Variants in TSPAN8 observed in about 807,000 individuals in gnomAD.
TSPAN8 encodes tetraspanin-8.
In TSPAN8, 21 loss-of-function variants were observed where a neutral mutation model predicts 32.8. The ratio of observed to expected loss-of-function variants is 0.64; its 90% CI spans 0.45 to 0.92. The LOEUF is 0.92. Among genes scored for constraint, TSPAN8 ranks in the 40% least tolerant of loss-of-function variants. The probability of loss-of-function intolerance (pLI) is 0.00; values close to 1 mark genes in which losing one functional copy is unlikely to be tolerated. For missense variants in TSPAN8, 269 were observed against 281.9 expected, an observed-to-expected ratio of 0.95 and a Z score of 0.33; for synonymous variants, 95 against 94.6, an observed-to-expected ratio of 1.00 and a Z score of -0.03.
intron 6 of TSPAN8, among the ~76,000 whole-genome samples, chr12:71,136,511 G>T (rs1364368031): frequency 6.6e-6 from 1 of 152,162 alleles, no homozygotes; most frequent in Admixed American, 6.5e-5. Flanking sequence ...GAAGGAAAAA[G>T]TAGTAAGAGC....
chr12:71,129,413 G>C lies in TSPAN8; in HGVS notation c.578C>G (p.Thr193Ser). The C allele has an allele frequency of 6.5e-7, 1 of 1,544,734 alleles. No homozygotes were observed. Among genetic ancestry groups the C allele is most frequent in the Non-Finnish European group, 8.7e-7 (1 of 1,150,702 alleles). ...GAAGTCTTTTATGAAAGAAATACAG[G>C]TCTGTTAAAAAAAAAAAACATTAAA... ...SYNGKQVYKE[T>S]CISFIKDFLA... Residue 193 changes from threonine to serine, a missense_variant and splice_region_variant, in exon 8 of 9, where the codon ACC (threonine) becomes AGC (serine). Thr to Ser is a moderately conservative substitution (Grantham distance 58). Coordinates refer to ENST00000247829, the MANE Select transcript of TSPAN8 (RefSeq NM_004616.3).
intron 2 of TSPAN8, among the ~76,000 whole-genome samples, chr12:71,147,381 G>A (rs757848922): frequency 3.8e-4 from 58 of 152,138 alleles, no homozygotes; most frequent in Non-Finnish European, 6.8e-4. Context: ...TGCTGTGTTA[G>A]GAGGAGGAGT....
At position 71,145,863 on chromosome 12, in the gene TSPAN8, T is replaced by C. The variant is rs1427960774; in HGVS notation, c.61-1650A>G. On this transcript the variant is annotated intron_variant, in intron 2 of 8. Coordinates refer to ENST00000247829, the MANE Select transcript of TSPAN8 (RefSeq NM_004616.3). The stretch of plus-strand genomic sequence containing the variant: ...CTTCATCTGTAACTAATGAACCTTG[T>C]AGCTATTATGAGTAGCATTCTTTCC... Among the ~76,000 whole-genome samples the C allele has an allele frequency of 2.0e-5, 3 of 152,312 alleles. No individual in the cohort carries two copies. In the South Asian group the frequency reaches 6.2e-4, roughly 32 times the overall value.
At chr12:71,140,633 G>A (rs1340669760) in intron 3 of TSPAN8, among the ~76,000 whole-genome samples, 2 of 152,128 alleles carry the variant, frequency 1.3e-5, no homozygotes, top group Non-Finnish European at 2.9e-5. Flanking sequence ...TATAGTGGGT[G>A]GGCTACCCAT....
chr12:71,145,696 A>G (rs1445760805), intron 2 of TSPAN8, among the ~76,000 whole-genome samples: 2 of 152,198 alleles, frequency 1.3e-5, no homozygotes, highest in East Asian at 1.9e-4. Context: ...TCAAATGATA[A>G]TGAGACCCTC....
At chr12:71,130,775 T>C (rs1871496124) in intron 7 of TSPAN8, among the ~76,000 whole-genome samples, 1 of 152,170 alleles carries the variant, frequency 6.6e-6, no homozygotes, top group Non-Finnish European at 1.5e-5. Flanking sequence ...ACATTCATTA[T>C]GTTTCAGGGG....
At chr12:71,143,716 A>G (rs1764062621) in intron 3 of TSPAN8, among the ~76,000 whole-genome samples, 1 of 152,104 alleles carries the variant, frequency 6.6e-6, no homozygotes, top group African/African-American at 2.4e-5. Context: ...AAAACTTCTC[A>G]TTTTCTTTCC....
chr12:71,155,907 A>G (rs1215794579), intron 2 of TSPAN8, among the ~76,000 whole-genome samples: 1 of 151,710 alleles, frequency 6.6e-6, no homozygotes, highest in Non-Finnish European at 1.5e-5. Context: ...AATTTTTCAT[A>G]TTTTTAGTAG....
At chr12:71,143,085 G>A (rs1871956498) in intron 3 of TSPAN8, among the ~76,000 whole-genome samples, 1 of 152,144 alleles carries the variant, frequency 6.6e-6, no homozygotes, top group Admixed American at 6.5e-5. Flanking sequence ...TCTTCTCAGA[G>A]AGGAGAAACT....
chr12:71,143,434 C>A (rs1871972523), intron 3 of TSPAN8, among the ~76,000 whole-genome samples: 2 of 152,148 alleles, frequency 1.3e-5, no homozygotes, highest in Admixed American at 6.5e-5. Flanking sequence ...CCAGAATTAA[C>A]CATACGAAAT....
intron 7 of TSPAN8, 40 bp downstream of exon 7, chr12:71,132,653 A>G (rs926494496): frequency 6.3e-7 from 1 of 1,597,904 alleles, no homozygotes; most frequent in Non-Finnish European, 8.5e-7. Context: ...AAAGAAAGTA[A>G]CAGAATTGCT....
At chr12:71,147,219 G>A (rs764855493) in intron 2 of TSPAN8, among the ~76,000 whole-genome samples, 11 of 152,218 alleles carry the variant, frequency 7.2e-5, no homozygotes, top group East Asian at 1.9e-4. Context: ...AAAAGGGGGC[G>A]GGGGAAGATA....
intron 8 of TSPAN8, 105 bp from the exon 9 acceptor site, chr12:71,125,492 A>T: frequency 1.0e-6 from 1 of 955,560 alleles, no homozygotes. Context: ...TTGTATATTG[A>T]CAGTTCCAAT....
At chr12:71,152,535 T>A (rs1371920048) in intron 2 of TSPAN8, among the ~76,000 whole-genome samples, 1 of 152,208 alleles carries the variant, frequency 6.6e-6, no homozygotes, top group Non-Finnish European at 1.5e-5. Flanking sequence ...ATACTACTAC[T>A]ATCCCCATTT....
chr12:71,140,607 A>G (rs1871872794), intron 3 of TSPAN8, among the ~76,000 whole-genome samples: 1 of 152,188 alleles, frequency 6.6e-6, no homozygotes, highest in Non-Finnish European at 1.5e-5. Context: ...AAGGGAAAAA[A>G]AATCCTAGAG....
At chr12:71,135,378 G>A (rs1871661543) in intron 6 of TSPAN8, among the ~76,000 whole-genome samples, 1 of 144,516 alleles carries the variant, frequency 6.9e-6, no homozygotes, top group African/African-American at 2.6e-5. Flanking sequence ...GAAGGAGGAG[G>A]AGGAGGAGGA....
intron 2 of TSPAN8, among the ~76,000 whole-genome samples, chr12:71,154,391 G>A (rs1360844273): frequency 2.0e-5 from 3 of 150,840 alleles, no homozygotes; most frequent in African/African-American, 7.3e-5. Context: ...TAATATCTGG[G>A]TGTGGCATGG....
chr12:71,147,981 C>T (rs978274443), intron 2 of TSPAN8, among the ~76,000 whole-genome samples: 3 of 152,136 alleles, frequency 2.0e-5, no homozygotes, highest in African/African-American at 7.2e-5. Flanking sequence ...GTGTTCCCTC[C>T]ATATAATCCA....
intron 6 of TSPAN8, among the ~76,000 whole-genome samples, chr12:71,133,811 A>G (rs1871596256): frequency 6.6e-6 from 1 of 152,166 alleles, no homozygotes; most frequent in Non-Finnish European, 1.5e-5. Context: ...GTGGCACATG[A>G]TATTATTAGA....
Sources: allele counts gnomAD v4.1 joint callset (sites outside exome capture counted in the v4.1 genomes callset), GRCh38; gene constraint gnomAD v4.1.1; transcripts MANE v1.5; gene names NCBI Gene and HGNC (gene_info 2026-07-23, HGNC 2026-07-21).